Variants in RNF145 observed in about 807,000 individuals in gnomAD.
RNF145 encodes the protein ring finger protein 145.
A neutral mutation model predicts 57.3 loss-of-function variants in RNF145; 12 were observed. That is an observed-to-expected ratio of 0.21 (90% CI 0.13 to 0.34). The LOEUF is 0.34. Ranked by LOEUF, RNF145 falls within the 10% of genes least tolerant of loss-of-function variation. The probability of loss-of-function intolerance (pLI) is 1.00; values close to 1 mark genes in which losing one functional copy is unlikely to be tolerated. For missense variants in RNF145, 429 were observed against 799.0 expected (o/e 0.54, Z 5.58); for synonymous variants, 262 against 288.3 (o/e 0.91, Z 0.92).
chr5:159,185,010 A>G (rs948740976), intron 3 of RNF145, among the ~76,000 whole-genome samples: 4 of 152,142 alleles, frequency 2.6e-5, no homozygotes, highest in South Asian at 2.1e-4. Flanking sequence ...GTCCTCCTCT[A>G]GGATCCCAGG....
chr5:159,192,513 A>G (rs1307637790), intron 3 of RNF145, among the ~76,000 whole-genome samples: 3 of 152,226 alleles, frequency 2.0e-5, no homozygotes, highest in Non-Finnish European at 4.4e-5. Context: ...TTCTAAAAAG[A>G]TATTATATGG....
At chr5:159,187,515 T>C (rs112690073) in intron 3 of RNF145, among the ~76,000 whole-genome samples, 2,178 of 151,802 alleles carry the variant, frequency 0.014, 54 homozygotes, top group African/African-American at 0.049. Context: ...TTTTAGTAGA[T>C]ACGGGGTTTC....
upstream of RNF145, chr5:159,209,809 A>G (rs749917454): frequency 6.6e-7 from 1 of 1,522,494 alleles, no homozygotes; most frequent in East Asian, 2.5e-5. Flanking sequence ...GTGCTCTCTC[A>G]CTCCCAAACA....
At chr5:159,186,750 T>C (rs1305555154) in intron 3 of RNF145, among the ~76,000 whole-genome samples, 4 of 151,548 alleles carry the variant, frequency 2.6e-5, no homozygotes, top group Non-Finnish European at 4.4e-5. Context: ...AGATATTGAG[T>C]GCCTGTATTT....
intron 5 of RNF145, among the ~76,000 whole-genome samples, chr5:159,175,976 T>C (rs1421690363): frequency 6.6e-6 from 1 of 152,160 alleles, no homozygotes; most frequent in Non-Finnish European, 1.5e-5. Context: ...GTATTGTTTG[T>C]ATCTGGGAGT....
At chr5:159,208,109 C>T in intron 1 of RNF145, 1 of 1,445,964 alleles carries the variant, frequency 6.9e-7, no homozygotes, top group Non-Finnish European at 9.0e-7. Flanking sequence ...AGGCCCCTTC[C>T]TCTCTCCCCG....
chr5:159,207,670 C>A, intron 1 of RNF145: 1 of 1,612,558 alleles, frequency 6.2e-7, no homozygotes, highest in Non-Finnish European at 8.5e-7. Context: ...AAAGAGAACG[C>A]ATTTCTTACA....
intron 2 of RNF145, among the ~76,000 whole-genome samples, chr5:159,195,026 CT>C (rs140272984): frequency 0.054 from 8,277 of 152,240 alleles, 248 homozygotes; most frequent in Middle Eastern, 0.092. Context: ...TTTTTCACTT[CT>C]TTTGTAGATT....
chr5:159,209,601 C>A (rs1209468110), upstream of RNF145: 1 of 1,055,118 alleles, frequency 9.5e-7, no homozygotes, highest in Non-Finnish European at 1.2e-6. Flanking sequence ...CGCGGCCCAG[C>A]CAGCGCGGCG....
intron 5 of RNF145, among the ~76,000 whole-genome samples, chr5:159,174,438 G>A (rs1036178735): frequency 3.3e-5 from 5 of 152,058 alleles, no homozygotes; most frequent in African/African-American, 4.8e-5. Flanking sequence ...GTCATATTCA[G>A]TACAAAATAA....
intron 3 of RNF145, among the ~76,000 whole-genome samples, chr5:159,189,894 A>G (rs1436502359): frequency 1.3e-5 from 2 of 152,204 alleles, no homozygotes; most frequent in African/African-American, 4.8e-5. Context: ...ACAGTTGCCA[A>G]GGGCTGGGGG....
intron 4 of RNF145, among the ~76,000 whole-genome samples, chr5:159,179,802 G>C (rs1265754167): frequency 6.6e-6 from 1 of 152,094 alleles, no homozygotes; most frequent in East Asian, 1.9e-4. Context: ...GTAGAGATTA[G>C]TGGTTTTCCT....
chr5:159,195,605 T>C (rs565809973), intron 2 of RNF145, among the ~76,000 whole-genome samples: 23 of 152,342 alleles, frequency 1.5e-4, no homozygotes, highest in African/African-American at 4.8e-4. Flanking sequence ...TGTTACTCTT[T>C]GGCTCTGTTC....
intron 2 of RNF145, among the ~76,000 whole-genome samples, chr5:159,195,895 T>C (rs1785443290): frequency 6.6e-6 from 1 of 152,184 alleles, no homozygotes; most frequent in Admixed American, 6.5e-5. Context: ...AATGTTCTCA[T>C]ATTCAACAAG....
intron 1 of RNF145, among the ~76,000 whole-genome samples, chr5:159,206,162 T>C (rs1322360943): frequency 4.6e-5 from 7 of 152,226 alleles, no homozygotes. Flanking sequence ...TAAAAAACAA[T>C]ATCCAAGATC....
chr5:159,190,169 G>A (rs1785238890), intron 3 of RNF145, among the ~76,000 whole-genome samples: 2 of 152,086 alleles, frequency 1.3e-5, no homozygotes, highest in African/African-American at 4.8e-5. Flanking sequence ...AGCCTCCGAA[G>A]TAGCTGGGAC....
chr5:159,199,346 A>G (rs537963258), intron 2 of RNF145, among the ~76,000 whole-genome samples: 57 of 151,952 alleles, frequency 3.8e-4, no homozygotes, highest in Non-Finnish European at 6.8e-4. Flanking sequence ...AAACAAATCA[A>G]AAGAATCAGA....
intron 2 of RNF145, among the ~76,000 whole-genome samples, chr5:159,200,877 T>A (rs569659823): frequency 6.6e-6 from 1 of 152,330 alleles, no homozygotes; most frequent in African/African-American, 2.4e-5. Context: ...AATTCATTCA[T>A]AATAGAAATG....
intron 3 of RNF145, among the ~76,000 whole-genome samples, chr5:159,185,292 T>C (rs1404920769): frequency 6.6e-6 from 1 of 152,144 alleles, no homozygotes; most frequent in African/African-American, 2.4e-5. Flanking sequence ...GGCAGTAGTT[T>C]TGGTGACAGC....
Sources: allele counts gnomAD v4.1 joint callset (sites outside exome capture counted in the v4.1 genomes callset), GRCh38; gene constraint gnomAD v4.1.1; transcripts MANE v1.5; gene names NCBI Gene and HGNC (gene_info 2026-07-23, HGNC 2026-07-21).